MKLN1: variants seen among roughly 807,000 people sequenced by gnomAD.
MKLN1 encodes the protein muskelin.
A neutral mutation model predicts 99.0 loss-of-function variants in MKLN1; 18 were observed. The ratio of observed to expected loss-of-function variants is 0.18; its 90% CI spans 0.13 to 0.27. The LOEUF is 0.27. MKLN1 is among the 10% of genes least tolerant of loss of function. The pLI is 1.00. For missense variants in MKLN1, 621 were observed against 875.9 expected, an observed-to-expected ratio of 0.71 and a Z score of 3.67; for synonymous variants, 288 against 293.2, an observed-to-expected ratio of 0.98 and a Z score of 0.18.
rs112529875 is a variant in MKLN1 at position 131,267,876 on chromosome 7, G to A, written c.-179+64902G>A. ...GACTTCATTTTCACCACAGCATTTGGGTTCTCCATAATTGCCTATTAGTAT... is the reference window on the plus strand; with the variant it reads ...GACTTCATTTTCACCACAGCATTTGAGTTCTCCATAATTGCCTATTAGTAT... On this transcript the variant is annotated intron_variant, in intron 3 of 7. Coordinates refer to the MKLN1 transcript ENST00000416992. Among the ~76,000 whole-genome samples the A allele has an allele frequency of 5.1e-3, 776 of 152,096 alleles. 5 individuals are homozygous for A. The highest frequency in any genetic ancestry group is 0.018 in the African/African-American group (742 of 41,462).
intron 1 of MKLN1, among the ~76,000 whole-genome samples, chr7:131,110,809 A>G (rs547386905): frequency 1.3e-4 from 20 of 152,272 alleles, no homozygotes; most frequent in African/African-American, 4.6e-4. Flanking sequence ...CTCCCAGCCT[A>G]CCTGCAGCCA....
intron 16 of MKLN1, among the ~76,000 whole-genome samples, chr7:131,473,532 A>T (rs1562884259): frequency 6.6e-6 from 1 of 152,180 alleles, no homozygotes; most frequent in Admixed American, 6.5e-5. Context: ...AAAAAATGAT[A>T]TTTTTTTCTA....
At chr7:131,124,247 C>T (rs1254627610) in intron 1 of MKLN1, among the ~76,000 whole-genome samples, 1 of 152,112 alleles carries the variant, frequency 6.6e-6, no homozygotes, top group African/African-American at 2.4e-5. Context: ...GTAACTTATT[C>T]AAAAGAAGCA....
intron 1 of MKLN1, among the ~76,000 whole-genome samples, chr7:131,363,771 A>G (rs77162291): frequency 6.6e-6 from 1 of 151,232 alleles, no homozygotes; most frequent in African/African-American, 2.4e-5. Flanking sequence ...AAAAAAAAAA[A>G]CTGTCCTGCC....
At chr7:131,371,456 A>C (rs1793449537) in intron 1 of MKLN1, among the ~76,000 whole-genome samples, 1 of 152,134 alleles carries the variant, frequency 6.6e-6, no homozygotes, top group South Asian at 2.1e-4. Flanking sequence ...TGCGGATTTA[A>C]ATAGCATTGA....
chr7:131,275,404 T>C (rs1797945723), intron 3 of MKLN1, among the ~76,000 whole-genome samples: 1 of 133,636 alleles, frequency 7.5e-6, no homozygotes, highest in South Asian at 2.7e-4. Context: ...AGTCTTACTC[T>C]GTCTCCCAGG....
intron 12 of MKLN1, among the ~76,000 whole-genome samples, chr7:131,454,303 G>C (rs1168465261): frequency 6.6e-6 from 1 of 152,102 alleles, no homozygotes; most frequent in Non-Finnish European, 1.5e-5. Context: ...AAATAAATTG[G>C]TTGATCCATT....
chr7:131,234,072 C>T (rs941012331), intron 3 of MKLN1, among the ~76,000 whole-genome samples: 2 of 152,126 alleles, frequency 1.3e-5, no homozygotes, highest in Admixed American at 6.5e-5. Flanking sequence ...CTCCACTTCC[C>T]GGGTTCAAGC....
chr7:131,485,195 A>G (rs1047577517), intron 17 of MKLN1, among the ~76,000 whole-genome samples: 7 of 152,124 alleles, frequency 4.6e-5, no homozygotes, highest in African/African-American at 1.7e-4. Flanking sequence ...AAGCCAGCTC[A>G]AAAAGGCTCT....
At chr7:131,161,173 C>T (rs78323857) in intron 2 of MKLN1, among the ~76,000 whole-genome samples, 8,091 of 152,202 alleles carry the variant, frequency 0.053, 379 homozygotes, top group African/African-American at 0.13. Context: ...AAGAGCAGGA[C>T]AGACAGGGTC....
At chr7:131,363,457 C>A (rs1205529344) in intron 1 of MKLN1, among the ~76,000 whole-genome samples, 1 of 151,950 alleles carries the variant, frequency 6.6e-6, no homozygotes, top group Non-Finnish European at 1.5e-5. Context: ...TCTCTGTTTT[C>A]ATGAAAGTAA....
At chr7:131,444,815 AGTAGT>A (rs1795960403) in intron 11 of MKLN1, among the ~76,000 whole-genome samples, 1 of 148,162 alleles carries the variant, frequency 6.7e-6, no homozygotes. Context: ...TAGTAGTAGT[AGTAGT>A]AGAAGTGGAA....
At chr7:131,167,388 A>G (rs1796141761) in intron 2 of MKLN1, among the ~76,000 whole-genome samples, 1 of 152,104 alleles carries the variant, frequency 6.6e-6, no homozygotes, top group African/African-American at 2.4e-5. Flanking sequence ...TGTGGAAAAG[A>G]AGGCCAGGTA....
chr7:131,284,393 A>G (rs1798102741), intron 3 of MKLN1, among the ~76,000 whole-genome samples: 1 of 152,200 alleles, frequency 6.6e-6, no homozygotes, highest in African/African-American at 2.4e-5. Context: ...TGGTTCTAAA[A>G]CACAAATAAA....
At position 131,416,979 on chromosome 7, in the gene MKLN1, C is replaced by CAAA. The variant is rs374145180; in HGVS notation, c.847+2291_847+2293dup. ...CCTGGGCAACAAAGCGCAACCCTGTCAAAAAAAAAAAAAAAAAAAAAAAAC... is the reference window on the plus strand; with the variant it reads ...CCTGGGCAACAAAGCGCAACCCTGTCAAAAAAAAAAAAAAAAAAAAAAAAAAAC... On this transcript the variant is annotated intron_variant, in intron 8 of 17. Transcript: ENST00000352689. Among the ~76,000 whole-genome samples, 171 of 49,492 alleles carry CAAA rather than the reference C, an allele frequency of 3.5e-3. 1 individual carries two copies. The highest frequency in any genetic ancestry group is 0.014 in the East Asian group (26 of 1,890). The allele number at this position is 49,492 out of a possible 152,430, so 32.5% of individuals were successfully genotyped here.
chr7:131,411,390 C>T lies in MKLN1; in HGVS notation c.781+7C>T. The T allele has an allele frequency of 1.3e-6, 2 of 1,579,810 alleles. No homozygotes were observed. The highest frequency in any genetic ancestry group is 1.7e-6 in the Non-Finnish European group (2 of 1,148,958). On this transcript the variant is annotated splice_region_variant and intron_variant, in intron 7 of 17. Coordinates refer to ENST00000352689, the MANE Select transcript of MKLN1 (RefSeq NM_013255.5). ...ATTCCCAAAAGTACCAAAGGTAAGCCATACCTTCTAGATTGTAGTTCTTTT... is the reference window on the plus strand; with the variant it reads ...ATTCCCAAAAGTACCAAAGGTAAGCTATACCTTCTAGATTGTAGTTCTTTT...
intron 2 of MKLN1, among the ~76,000 whole-genome samples, chr7:131,191,991 A>G (rs2116385147): frequency 6.8e-6 from 1 of 146,020 alleles, no homozygotes; most frequent in Non-Finnish European, 1.5e-5. Flanking sequence ...AAGTGCTAGG[A>G]TTATAGGTAT....
At chr7:131,451,949 A>G (rs577361244) in intron 12 of MKLN1, among the ~76,000 whole-genome samples, 1 of 152,352 alleles carries the variant, frequency 6.6e-6, no homozygotes, top group South Asian at 2.1e-4. Context: ...AGAAGCATAT[A>G]TTGAACCTTC....
At chr7:131,238,466 A>C (rs1797356755) in intron 3 of MKLN1, among the ~76,000 whole-genome samples, 1 of 152,208 alleles carries the variant, frequency 6.6e-6, no homozygotes, top group Admixed American at 6.5e-5. Context: ...AAGAGTTCAG[A>C]AGTCCATTGG....
Sources: allele counts gnomAD v4.1 joint callset (sites outside exome capture counted in the v4.1 genomes callset), GRCh38; gene constraint gnomAD v4.1.1; transcripts MANE v1.5; gene names NCBI Gene and HGNC (gene_info 2026-07-23, HGNC 2026-07-21).